Variants in ZBTB20 observed in about 807,000 individuals in gnomAD.
The protein encoded by ZBTB20 is zinc finger and BTB domain containing 20, also known as zinc finger and BTB domain-containing protein 20.
A neutral mutation model predicts 56.9 loss-of-function variants in ZBTB20; 9 were observed. The observed-to-expected ratio is 0.16, with a 90% confidence interval of 0.10 to 0.28. The LOEUF (loss-of-function observed/expected upper bound fraction) is 0.28. ZBTB20 is among the 10% of genes least tolerant of loss of function. The pLI, the probability that ZBTB20 is intolerant of heterozygous loss-of-function variation, is 1.00. For missense variants in ZBTB20, 655 were observed against 1,003.0 expected (o/e 0.65, Z 4.69); for synonymous variants, 417 against 420.7 (o/e 0.99, Z 0.11).
chr3:114,665,661 TCAGGGTGTCTTACA>T (rs1178817219), intron 6 of ZBTB20, among the ~76,000 whole-genome samples: 1 of 151,992 alleles, frequency 6.6e-6, no homozygotes, highest in Non-Finnish European at 1.5e-5. Context: ...ACATAACAAC[TCAGGGTGTCTTACA>T]CAGGACAGTC....
At chr3:114,575,486 TAA>T (rs914057836) in intron 6 of ZBTB20, among the ~76,000 whole-genome samples, 2 of 152,092 alleles carry the variant, frequency 1.3e-5, no homozygotes, top group African/African-American at 2.4e-5. Flanking sequence ...AGATTTTCAC[TAA>T]GTTTCTTAAT....
At chr3:115,015,349 G>A (rs1173141351) in intron 2 of ZBTB20, among the ~76,000 whole-genome samples, 1 of 151,748 alleles carries the variant, frequency 6.6e-6, no homozygotes, top group Non-Finnish European at 1.5e-5. Flanking sequence ...TGTGCAGGAT[G>A]TGCAAGTTTG....
rs950413153 is a variant in ZBTB20, at chr3:114,380,833, C to T, written c.-46G>A. Reference sequence around the variant, plus strand: ...AGGACTCGTGGAGTAATGGGAGGAGCACTGGACTGGGAGTCAGGAGACTTG... The same window carrying T: ...AGGACTCGTGGAGTAATGGGAGGAGTACTGGACTGGGAGTCAGGAGACTTG... On this transcript the variant is annotated 5_prime_UTR_variant, in exon 9 of 12. Coordinates refer to ENST00000675478, the MANE Select transcript of ZBTB20 (RefSeq NM_001348800.3). 8 of 1,472,566 alleles carry T rather than the reference C, an allele frequency of 5.4e-6. No homozygotes were observed. Among genetic ancestry groups the T allele is most frequent in the Non-Finnish European group, 7.1e-6 (8 of 1,119,880 alleles). 91.2% of individuals were successfully genotyped at this position (1,472,566 alleles called of 1,614,324 possible).
intron 10 of ZBTB20, among the ~76,000 whole-genome samples, chr3:114,375,206 C>A (rs979935319): frequency 2.0e-5 from 3 of 152,184 alleles, no homozygotes; most frequent in Non-Finnish European, 2.9e-5. Context: ...AGCTATACAT[C>A]CTTTCAGTAA....
intron 2 of ZBTB20, among the ~76,000 whole-genome samples, chr3:114,985,272 C>T (rs531200305): frequency 2.0e-5 from 3 of 152,084 alleles, no homozygotes; most frequent in East Asian, 1.9e-4. Flanking sequence ...TTACAGAAAT[C>T]GTTAGCCATA....
chr3:114,397,361 G>C (rs1480075259), intron 7 of ZBTB20, among the ~76,000 whole-genome samples: 1 of 152,136 alleles, frequency 6.6e-6, no homozygotes, highest in East Asian at 1.9e-4. Context: ...ACACCATGCA[G>C]TGTGGTAAGC....
At chr3:114,405,331 C>T (rs1441191642) in intron 7 of ZBTB20, among the ~76,000 whole-genome samples, 1 of 152,070 alleles carries the variant, frequency 6.6e-6, no homozygotes, top group Non-Finnish European at 1.5e-5. Context: ...GTAGAGAGAA[C>T]ATGGGGCATA....
At chr3:114,487,563 C>T (rs557296736) in intron 7 of ZBTB20, among the ~76,000 whole-genome samples, 1 of 152,330 alleles carries the variant, frequency 6.6e-6, no homozygotes, top group South Asian at 2.1e-4. Flanking sequence ...AAATGAACTT[C>T]TGTGGTCAAG....
intron 4 of ZBTB20, among the ~76,000 whole-genome samples, chr3:114,860,969 A>C (rs2075499172): frequency 6.7e-6 from 1 of 150,140 alleles, no homozygotes. Flanking sequence ...GTGTAGATTG[A>C]ATGGAACCCT....
rs1459214736 is a variant in ZBTB20 at position 114,337,148 on chromosome 3, G to T, written c.*1857C>A. ...CCCTAAAACCTTTCGAAGAAGCAAG[G>T]GTTAATTCGTCATCTAAAGAATGAT... On this transcript the variant is annotated 3_prime_UTR_variant, in exon 12 of 12. Transcript: ENST00000675478. 2.0e-5 allele frequency: 3 copies of T among 152,152 alleles called. No individual in the cohort carries two copies. The highest frequency in any genetic ancestry group is 4.8e-5 in the African/African-American group (2 of 41,428). The allele number at this position is 152,152 out of a possible 1,614,324, so 9.4% of individuals were successfully genotyped here. A position where few individuals can be genotyped will look rare whatever the true frequency, so the allele number is the denominator to read the frequency against.
rs184545598 is a variant in ZBTB20, at chr3:114,826,041, A to G, written c.-416-24867T>C. ...GAATAAAACTATCACTGAATTATTA[A>G]CTTTCCAACAATCAAAATTCTGTAA... On this transcript the variant is annotated intron_variant, in intron 4 of 11. Transcript: ENST00000675478. Among the ~76,000 whole-genome samples the G allele has an allele frequency of 3.3e-3, 505 of 151,874 alleles. 3 individuals are homozygous for G. Among genetic ancestry groups the G allele is most frequent in the African/African-American group, 0.012 (481 of 41,534 alleles).
At chr3:114,374,487 A>C (rs904076811) in intron 10 of ZBTB20, among the ~76,000 whole-genome samples, 1 of 152,182 alleles carries the variant, frequency 6.6e-6, no homozygotes, top group African/African-American at 2.4e-5. Flanking sequence ...TGACCCTAAA[A>C]TGTTTTCAGG....
intron 5 of ZBTB20, among the ~76,000 whole-genome samples, chr3:114,778,540 C>A (rs1455958892): frequency 6.6e-6 from 1 of 152,026 alleles, no homozygotes; most frequent in Non-Finnish European, 1.5e-5. Flanking sequence ...AGCTATATGG[C>A]TTTTCAACAA....
intron 3 of ZBTB20, among the ~76,000 whole-genome samples, chr3:114,935,135 T>C (rs1301011646): frequency 6.6e-6 from 1 of 152,220 alleles, no homozygotes; most frequent in Non-Finnish European, 1.5e-5. Context: ...TTGTTCTTAA[T>C]AGACCAGACT....
intron 1 of ZBTB20, among the ~76,000 whole-genome samples, chr3:115,088,686 T>C (rs1246428042): frequency 4.0e-5 from 6 of 151,886 alleles, no homozygotes; most frequent in African/African-American, 1.4e-4. Flanking sequence ...ACATGTGCTG[T>C]CATTTTATAC....
intron 2 of ZBTB20, among the ~76,000 whole-genome samples, chr3:115,004,624 T>C (rs2079390672): frequency 6.6e-6 from 1 of 151,736 alleles, no homozygotes; most frequent in South Asian, 2.1e-4. Flanking sequence ...TTCCTCTCAT[T>C]GTTCATAGAT....
In ZBTB20 at chr3:114,544,406, C is replaced by CTTCTTTCT. The variant is rs200949949; in HGVS notation, c.-294-44023_-294-44016dup. On this transcript the variant is annotated intron_variant, in intron 6 of 11. Transcript: ENST00000675478. The stretch of plus-strand genomic sequence containing the variant: ...TGTAGCACTCTTAAAAACTAGATTT[C>CTTCTTTCT]TTCTTTCTTTCTTTCTTTCTTTCTT... 1.8e-3 allele frequency among the ~76,000 whole-genome samples: 213 copies of CTTCTTTCT among 121,398 alleles called. 2 individuals are homozygous for CTTCTTTCT. The highest frequency in any genetic ancestry group is 5.3e-3 in the East Asian group (22 of 4,176). The allele number at this position is 121,398 out of a possible 152,430, so 79.6% of individuals were successfully genotyped here.
intron 4 of ZBTB20, among the ~76,000 whole-genome samples, chr3:114,849,891 A>T (rs2074908815): frequency 7.2e-6 from 1 of 138,744 alleles, no homozygotes; most frequent in Middle Eastern, 3.5e-3. Context: ...CAATAGAATC[A>T]GGAAATCTTT....
chr3:114,644,721 T>C (rs2107944430), intron 6 of ZBTB20, among the ~76,000 whole-genome samples: 1 of 152,232 alleles, frequency 6.6e-6, no homozygotes, highest in East Asian at 1.9e-4. Flanking sequence ...GGATTCCTAT[T>C]CCAAACCTCA....
Sources: allele counts gnomAD v4.1 joint callset (sites outside exome capture counted in the v4.1 genomes callset), GRCh38; gene constraint gnomAD v4.1.1; transcripts MANE v1.5; gene names NCBI Gene and HGNC (gene_info 2026-07-23, HGNC 2026-07-21).